Variants in SLAMF6 observed in about 807,000 individuals in gnomAD.
SLAMF6 encodes NK-T-B-antigen.
A neutral mutation model predicts 38.3 loss-of-function variants in SLAMF6; 21 were observed. That is an observed-to-expected ratio of 0.55 (90% confidence interval 0.39 to 0.79). The LOEUF is 0.79. Ranked by LOEUF, SLAMF6 falls within the 30% of genes least tolerant of loss-of-function variation. The probability of loss-of-function intolerance (pLI) is 0.00; values close to 1 mark genes in which losing one functional copy is unlikely to be tolerated. For missense variants in SLAMF6, 341 were observed against 385.3 expected (o/e 0.89, Z 0.96); for synonymous variants, 152 against 146.3 (o/e 1.04, Z -0.28).
chr1:160,519,941 T>G (rs1467116980), intron 1 of SLAMF6, among the ~76,000 whole-genome samples: 1 of 152,150 alleles, frequency 6.6e-6, no homozygotes, highest in Admixed American at 6.5e-5. Context: ...GAATTTCACC[T>G]TAATAAAAAA....
intron 1 of SLAMF6, among the ~76,000 whole-genome samples, chr1:160,516,717 C>T (rs1035766298): frequency 1.3e-5 from 2 of 152,160 alleles, no homozygotes; most frequent in African/African-American, 4.8e-5. Context: ...ACATCTACCA[C>T]TATCTGATCT....
At position 160,496,151 on chromosome 1, in the gene SLAMF6, T is replaced by A. The variant is rs1276698934; in HGVS notation, c.292A>T (p.Asn98Tyr). The change falls in exon 2 of 8, where the codon AAC becomes TAC. Residue 98 changes from asparagine (N) to tyrosine (Y), a missense_variant. Asn to Tyr is a moderately radical substitution (Grantham distance 143, BLOSUM62 -2). Transcript: ENST00000368057. ...FTQSYSLQLS[N>Y]LKMEDTGSYR... Reference sequence around the variant, plus strand: ...GAGCCTGTGTCTTCCATCTTCAGGTTGCTGAGTTGCAGGGAGTAGGACTGG... The same window carrying A: ...GAGCCTGTGTCTTCCATCTTCAGGTAGCTGAGTTGCAGGGAGTAGGACTGG... 9 of 1,614,006 alleles carry A rather than the reference T, an allele frequency of 5.6e-6. No homozygotes were observed. Among genetic ancestry groups the A allele is most frequent in the Non-Finnish European group, 7.6e-6 (9 of 1,179,918 alleles).
At chr1:160,518,628 G>A (rs968266146) in intron 1 of SLAMF6, among the ~76,000 whole-genome samples, 6 of 152,128 alleles carry the variant, frequency 3.9e-5, no homozygotes, top group South Asian at 2.1e-4. Flanking sequence ...GCAGGGACAT[G>A]GATGAAGCCA....
At chr1:160,514,684 A>C (rs1356348059) in intron 1 of SLAMF6, among the ~76,000 whole-genome samples, 1 of 152,240 alleles carries the variant, frequency 6.6e-6, no homozygotes, top group East Asian at 1.9e-4. Context: ...TCAAATTAGA[A>C]CTCAAGACAA....
intron 6 of SLAMF6, among the ~76,000 whole-genome samples, chr1:160,488,784 G>T (rs1653107032): frequency 1.3e-5 from 2 of 152,178 alleles, no homozygotes; most frequent in African/African-American, 4.8e-5. Context: ...AGGATATAGG[G>T]CAAGAGAGAG....
rs1233074940 is a variant in SLAMF6, at chr1:160,486,687, C to T, written c.*20G>A. On this transcript the variant is annotated 3_prime_UTR_variant, in exon 8 of 8. Transcript: ENST00000368057. ...CAGAAGACGTGTCATTCCCGAATTC[C>T]TCTGAGGCCTTTCAGCAACTTACAC... 7.4e-6 allele frequency: 12 copies of T among 1,612,320 alleles called. No individual in the cohort carries two copies. Among genetic ancestry groups the T allele is most frequent in the Non-Finnish European group, 9.3e-6 (11 of 1,178,510 alleles).
intron 1 of SLAMF6, among the ~76,000 whole-genome samples, chr1:160,498,540 C>T (rs1029801196): frequency 6.6e-6 from 1 of 152,104 alleles, no homozygotes. Context: ...ATAAAACCAT[C>T]AGAACTCATG....
chr1:160,521,099 A>G (rs1654964505), intron 1 of SLAMF6, among the ~76,000 whole-genome samples: 2 of 152,116 alleles, frequency 1.3e-5, no homozygotes, highest in East Asian at 1.9e-4. Flanking sequence ...AATTATGTAC[A>G]CATTTGTGTG....
chr1:160,493,053 A>C (rs1002580094), intron 2 of SLAMF6, among the ~76,000 whole-genome samples: 3 of 152,198 alleles, frequency 2.0e-5, no homozygotes, highest in African/African-American at 4.8e-5. Context: ...AAATCATATT[A>C]CTTGTTTGCA....
At chr1:160,517,649 T>C (rs1166566779) in intron 1 of SLAMF6, among the ~76,000 whole-genome samples, 1 of 152,142 alleles carries the variant, frequency 6.6e-6, no homozygotes, top group East Asian at 1.9e-4. Flanking sequence ...GTGGAACATA[T>C]ACACCATGGA....
chr1:160,510,318 T>C (rs965698150), intron 1 of SLAMF6, among the ~76,000 whole-genome samples: 1 of 152,076 alleles, frequency 6.6e-6, no homozygotes, highest in African/African-American at 2.4e-5. Context: ...ATATCCCTTA[T>C]GAATATTGAT....
At chr1:160,513,718 A>T (rs1243827068) in intron 1 of SLAMF6, among the ~76,000 whole-genome samples, 1 of 152,218 alleles carries the variant, frequency 6.6e-6, no homozygotes, top group Non-Finnish European at 1.5e-5. Context: ...CAACATTCTT[A>T]AAGAAAAGAA....
chr1:160,509,823 T>G (rs750059177), intron 1 of SLAMF6, among the ~76,000 whole-genome samples: 129 of 152,086 alleles, frequency 8.5e-4, no homozygotes, highest in Non-Finnish European at 1.7e-3. Context: ...GTTGGTTCTT[T>G]GAAAAGATAA....
chr1:160,515,512 C>T (rs1398783197), intron 1 of SLAMF6, among the ~76,000 whole-genome samples: 1 of 152,162 alleles, frequency 6.6e-6, no homozygotes, highest in African/African-American at 2.4e-5. Context: ...TTTTATGAGG[C>T]CAGTATCATC....
At chr1:160,497,777 C>T (rs1219340142) in intron 1 of SLAMF6, among the ~76,000 whole-genome samples, 2 of 152,144 alleles carry the variant, frequency 1.3e-5, no homozygotes, top group African/African-American at 4.8e-5. Context: ...TTATGGCCTC[C>T]AGCTCCACCC....
intron 5 of SLAMF6, among the ~76,000 whole-genome samples, chr1:160,489,827 G>T (rs549829771): frequency 6.6e-6 from 1 of 152,280 alleles, no homozygotes; most frequent in East Asian, 1.9e-4. Context: ...CCAGACCCTG[G>T]CTGAACAGTA....
At chr1:160,497,085 G>A (rs1653624060) in intron 1 of SLAMF6, among the ~76,000 whole-genome samples, 1 of 152,116 alleles carries the variant, frequency 6.6e-6, no homozygotes. Flanking sequence ...ACTTTGTGCT[G>A]TCTTCATGAT....
At chr1:160,501,018 G>A (rs560805479) in intron 1 of SLAMF6, among the ~76,000 whole-genome samples, 5 of 152,306 alleles carry the variant, frequency 3.3e-5, no homozygotes, top group East Asian at 1.9e-4. Context: ...CAGAGTGGTA[G>A]CCTGTCTAGG....
intron 6 of SLAMF6, 41 bp downstream of exon 6, chr1:160,489,047 T>A: frequency 1.3e-6 from 2 of 1,551,534 alleles, no homozygotes; most frequent in Non-Finnish European, 1.8e-6. Context: ...ACAATGGCTG[T>A]AAAACTGACA....
Sources: allele counts gnomAD v4.1 joint callset (sites outside exome capture counted in the v4.1 genomes callset), GRCh38; gene constraint gnomAD v4.1.1; transcripts MANE v1.5; gene names NCBI Gene and HGNC (gene_info 2026-07-23, HGNC 2026-07-21).